The following LMX1A variants were observed in gnomAD, a reference collection of about 807,000 sequenced individuals.
The protein encoded by LMX1A is LIM homeobox transcription factor 1-alpha.
Under a neutral mutation model 49.1 loss-of-function variants are expected in LMX1A, and 15 were observed. That is an observed-to-expected ratio of 0.31 (90% confidence interval 0.20 to 0.47). The LOEUF is 0.47. Among genes scored for constraint, LMX1A ranks in the 20% least tolerant of loss-of-function variants. The pLI is 1.00. For missense variants in LMX1A, 372 were observed against 475.8 expected (o/e 0.78, Z 2.03); for synonymous variants, 167 against 185.7 (o/e 0.90, Z 0.82).
At chr1:165,211,781 G>A (rs115638251) in intron 5 of LMX1A, among the ~76,000 whole-genome samples, 2,823 of 152,230 alleles carry the variant, frequency 0.019, 86 homozygotes, top group African/African-American at 0.064. Flanking sequence ...CAGCTCAAAA[G>A]CCACCTGTTC....
At chr1:165,239,916 G>A (rs573617643) in intron 4 of LMX1A, among the ~76,000 whole-genome samples, 11 of 152,302 alleles carry the variant, frequency 7.2e-5, no homozygotes, top group South Asian at 2.1e-4. Flanking sequence ...TCATTAAGAC[G>A]TATTTATTGG....
intron 3 of LMX1A, among the ~76,000 whole-genome samples, chr1:165,349,618 C>CTTT (rs60205117): frequency 6.6e-6 from 1 of 151,236 alleles, no homozygotes; most frequent in African/African-American, 2.4e-5. Flanking sequence ...ACCTTAAATG[C>CTTT]TTTTTTTTTG....
At chr1:165,241,088 G>A (rs1306387089) in intron 4 of LMX1A, among the ~76,000 whole-genome samples, 1 of 152,104 alleles carries the variant, frequency 6.6e-6, no homozygotes, top group African/African-American at 2.4e-5. Flanking sequence ...TTTCCAGGAT[G>A]CAACACTAGC....
chr1:165,267,889 G>A (rs1464709106), intron 3 of LMX1A, among the ~76,000 whole-genome samples: 1 of 152,178 alleles, frequency 6.6e-6, no homozygotes, highest in Non-Finnish European at 1.5e-5. Context: ...GTGACCCAGA[G>A]TAAACATCTC....
At chr1:165,215,716 ACTAAATTGTGAG>A (rs1422226527) in intron 4 of LMX1A, among the ~76,000 whole-genome samples, 3 of 152,214 alleles carry the variant, frequency 2.0e-5, no homozygotes, top group Admixed American at 2.0e-4. Context: ...TGAAGGGAAC[ACTAAATTGTGAG>A]TTCCTGAGGA....
At chr1:165,278,347 G>A (rs1654036287) in intron 3 of LMX1A, among the ~76,000 whole-genome samples, 1 of 152,182 alleles carries the variant, frequency 6.6e-6, no homozygotes, top group Non-Finnish European at 1.5e-5. Context: ...GCTGTGTCTG[G>A]GACGTGCTCC....
chr1:165,280,915 G>C (rs1304327143), intron 3 of LMX1A, among the ~76,000 whole-genome samples: 1 of 152,072 alleles, frequency 6.6e-6, no homozygotes, highest in Non-Finnish European at 1.5e-5. Context: ...ACAGTCAATG[G>C]GGGGCAGAAA....
At chr1:165,264,583 C>T (rs766553567) in intron 3 of LMX1A, among the ~76,000 whole-genome samples, 4 of 152,112 alleles carry the variant, frequency 2.6e-5, no homozygotes, top group African/African-American at 4.8e-5. Context: ...CAAGACAGCA[C>T]GACCTTTGAG....
chr1:165,340,499 C>T (rs1377020263), intron 3 of LMX1A, among the ~76,000 whole-genome samples: 1 of 152,192 alleles, frequency 6.6e-6, no homozygotes, highest in Non-Finnish European at 1.5e-5. Context: ...TCTCCCCTGC[C>T]TCTGTGTCAT....
intron 3 of LMX1A, among the ~76,000 whole-genome samples, chr1:165,319,770 C>T (rs1655328723): frequency 1.3e-5 from 2 of 152,060 alleles, no homozygotes; most frequent in Admixed American, 6.5e-5. Flanking sequence ...GGGGAAAATA[C>T]TAGAAAGAAA....
intron 3 of LMX1A, among the ~76,000 whole-genome samples, chr1:165,342,525 C>T (rs1051525136): frequency 3.3e-5 from 5 of 151,860 alleles, no homozygotes; most frequent in Admixed American, 6.6e-5. Flanking sequence ...AAGAGCTATG[C>T]TATATGCTAG....
At chr1:165,317,467 G>A (rs1252633251) in intron 3 of LMX1A, among the ~76,000 whole-genome samples, 2 of 152,174 alleles carry the variant, frequency 1.3e-5, no homozygotes, top group Non-Finnish European at 2.9e-5. Context: ...AATAACTACA[G>A]TATTAAAAAG....
chr1:165,293,910 T>G (rs1352915365), intron 3 of LMX1A, among the ~76,000 whole-genome samples: 1 of 152,114 alleles, frequency 6.6e-6, no homozygotes, highest in African/African-American at 2.4e-5. Context: ...ACATGTGAAT[T>G]TGGGAGGACA....
intron 3 of LMX1A, among the ~76,000 whole-genome samples, chr1:165,305,491 A>G (rs1481351282): frequency 6.6e-6 from 1 of 152,210 alleles, no homozygotes; most frequent in East Asian, 1.9e-4. Context: ...CAAATATCAC[A>G]TTTTAAAATA....
intron 4 of LMX1A, among the ~76,000 whole-genome samples, chr1:165,226,334 A>G (rs1239983150): frequency 2.6e-5 from 4 of 152,174 alleles, no homozygotes; most frequent in Non-Finnish European, 5.9e-5. Context: ...ATTCCCCATC[A>G]TCTATTCCTG....
intron 3 of LMX1A, among the ~76,000 whole-genome samples, chr1:165,337,137 C>T (rs531572635): frequency 7.2e-5 from 11 of 152,194 alleles, no homozygotes; most frequent in African/African-American, 2.4e-4. Context: ...TGTAACAATG[C>T]CTCATACATA....
chr1:165,218,469 CCAT>C (rs1363233835), intron 4 of LMX1A: 3 of 152,416 alleles, frequency 2.0e-5, no homozygotes, highest in Non-Finnish European at 4.4e-5. Flanking sequence ...CCCTGGCTAA[CCAT>C]CACCCAGCTT....
chr1:165,313,489 T>TG (rs1252001201), intron 3 of LMX1A, among the ~76,000 whole-genome samples: 1 of 150,820 alleles, frequency 6.6e-6, no homozygotes, highest in Non-Finnish European at 1.5e-5. Flanking sequence ...TTTTTTTTTT[T>TG]TTTGTTGTTG....
chr1:165,292,654 G>T (rs537295076), intron 3 of LMX1A, among the ~76,000 whole-genome samples: 2 of 152,312 alleles, frequency 1.3e-5, no homozygotes, highest in African/African-American at 4.8e-5. Context: ...CAAATAGGCA[G>T]CATTCATTTG....
Sources: allele counts gnomAD v4.1 joint callset (sites outside exome capture counted in the v4.1 genomes callset), GRCh38; gene constraint gnomAD v4.1.1; transcripts MANE v1.5; gene names NCBI Gene and HGNC (gene_info 2026-07-23, HGNC 2026-07-21).